HDAC9: variants seen among roughly 807,000 people sequenced by gnomAD.
The protein encoded by HDAC9 is MEF-2 interacting transcription repressor (MITR) protein.
HDAC9 carries 41 observed loss-of-function variants against 139.4 expected under a neutral mutation model. That is an observed-to-expected ratio of 0.29 (90% CI 0.23 to 0.38). The LOEUF (loss-of-function observed/expected upper bound fraction) is 0.38. Ranked by LOEUF, HDAC9 falls within the 10% of genes least tolerant of loss-of-function variation. HDAC9 has a pLI of 1.00. For missense variants in HDAC9, 1,147 were observed against 1,297.0 expected (o/e 0.88, Z 1.78); for synonymous variants, 517 against 476.2 (o/e 1.09, Z -1.12).
intron 1 of HDAC9, among the ~76,000 whole-genome samples, chr7:18,141,604 G>A (rs1478160398): frequency 6.6e-6 from 1 of 152,108 alleles, no homozygotes; most frequent in African/African-American, 2.4e-5. Flanking sequence ...TTAAACTGCT[G>A]GGGCACTTGG....
intron 1 of HDAC9, among the ~76,000 whole-genome samples, chr7:18,096,927 G>A (rs778454031): frequency 1.7e-4 from 24 of 140,500 alleles, no homozygotes; most frequent in Admixed American, 6.6e-4. Flanking sequence ...GTGTGTATTC[G>A]TACTCTTTTA....
At chr7:18,660,911 T>A (rs970115524) in intron 11 of HDAC9, among the ~76,000 whole-genome samples, 1 of 152,010 alleles carries the variant, frequency 6.6e-6, no homozygotes, top group Non-Finnish European at 1.5e-5. Context: ...TGGTAGGAGG[T>A]TTGAATTTTA....
At chr7:18,307,929 G>A (rs1799038614) in intron 1 of HDAC9, among the ~76,000 whole-genome samples, 2 of 152,126 alleles carry the variant, frequency 1.3e-5, no homozygotes. Context: ...GTCAGGGTGT[G>A]GAATATATGC....
intron 1 of HDAC9, among the ~76,000 whole-genome samples, chr7:18,333,826 G>A (rs1423822645): frequency 6.6e-6 from 1 of 151,268 alleles, no homozygotes; most frequent in African/African-American, 2.4e-5. Flanking sequence ...ATATATGCAA[G>A]AGCTGGTTCT....
rs1358794948 is a variant in HDAC9, at chr7:18,163,629, A to C, written c.25+1280A>C. On this transcript the variant is annotated intron_variant, in intron 2 of 12. Coordinates refer to the HDAC9 transcript ENST00000417496. ...CTCACCCCATCCCCTACCAGCCTCT[A>C]CAGACAACCTTGTTTAAGTGTGTTC... 2.0e-5 allele frequency among the ~76,000 whole-genome samples: 3 copies of C among 152,132 alleles called. No individual in the cohort carries two copies. In the East Asian group the frequency reaches 5.8e-4, roughly 29 times the overall value.
chr7:18,187,526 C>T (rs1790008414), intron 2 of HDAC9, among the ~76,000 whole-genome samples: 2 of 152,206 alleles, frequency 1.3e-5, no homozygotes, highest in African/African-American at 4.8e-5. Context: ...AACCATGGCA[C>T]CATCTTTAAA....
chr7:18,521,885 C>A (rs770242603), intron 2 of HDAC9, among the ~76,000 whole-genome samples: 2 of 152,000 alleles, frequency 1.3e-5, no homozygotes, highest in Non-Finnish European at 2.9e-5. Flanking sequence ...GAGTTTTACA[C>A]GAGGTTTAGA....
chr7:18,774,010 A>G (rs1043686629), intron 16 of HDAC9, among the ~76,000 whole-genome samples: 1 of 152,016 alleles, frequency 6.6e-6, no homozygotes, highest in Non-Finnish European at 1.5e-5. Context: ...TCAAAATTCA[A>G]AACCAAAATA....
At chr7:18,602,778 A>C (rs2128878702) in intron 6 of HDAC9, among the ~76,000 whole-genome samples, 1 of 151,962 alleles carries the variant, frequency 6.6e-6, no homozygotes, top group Non-Finnish European at 1.5e-5. Context: ...TATTTATTTT[A>C]ATCTTTCTGT....
At chr7:18,965,028 T>A (rs1783758716) in intron 24 of HDAC9, among the ~76,000 whole-genome samples, 1 of 152,248 alleles carries the variant, frequency 6.6e-6, no homozygotes, top group Non-Finnish European at 1.5e-5. Context: ...ATAAAAGCTA[T>A]ACTTCTTTGG....
chr7:18,392,602 T>C (rs971826092), intron 1 of HDAC9, among the ~76,000 whole-genome samples: 3 of 152,176 alleles, frequency 2.0e-5, no homozygotes, highest in Non-Finnish European at 2.9e-5. Flanking sequence ...ATCCAACTAA[T>C]GCAATTTTCC....
chr7:18,579,544 A>G (rs1005525680), intron 2 of HDAC9, among the ~76,000 whole-genome samples: 1 of 152,232 alleles, frequency 6.6e-6, no homozygotes, highest in Non-Finnish European at 1.5e-5. Context: ...GTATATCGCC[A>G]AATCCAGAAT....
chr7:18,280,017 TAAAA>T (rs968151189), intron 2 of HDAC9, among the ~76,000 whole-genome samples: 2 of 151,928 alleles, frequency 1.3e-5, no homozygotes, highest in African/African-American at 4.8e-5. Flanking sequence ...AAAAAGCAAA[TAAAA>T]AGAAAATGAA....
chr7:18,319,371 A>G (rs560203555), intron 1 of HDAC9, among the ~76,000 whole-genome samples: 5 of 152,346 alleles, frequency 3.3e-5, no homozygotes, highest in African/African-American at 1.2e-4. Context: ...GGCACAATGT[A>G]TCTACAAATA....
chr7:18,323,165 G>T (rs1200610841), intron 1 of HDAC9, among the ~76,000 whole-genome samples: 1 of 152,100 alleles, frequency 6.6e-6, no homozygotes, highest in Admixed American at 6.6e-5. Context: ...CATAACCTTG[G>T]AGTTATCTTT....
chr7:18,297,112 A>G (rs910020699), intron 1 of HDAC9, among the ~76,000 whole-genome samples: 12 of 152,164 alleles, frequency 7.9e-5, no homozygotes, highest in African/African-American at 2.9e-4. Flanking sequence ...ACTTCCGTGT[A>G]GGTACGAGTT....
At chr7:18,599,785 T>G (rs1321787547) in intron 6 of HDAC9, among the ~76,000 whole-genome samples, 1 of 152,152 alleles carries the variant, frequency 6.6e-6, no homozygotes. Flanking sequence ...TGTTTTCAGC[T>G]CAATTGGGTA....
chr7:18,277,070 T>A lies in HDAC9; in HGVS notation c.25+114721T>A, dbSNP rs1321193398. Among the ~76,000 whole-genome samples, 3 of 147,240 alleles carry A rather than the reference T, an allele frequency of 2.0e-5. No individual in the cohort carries two copies. The South Asian group carries it at 6.7e-4, about 33-fold the overall frequency. ...TTACCAGTCATTCAGTAATCATAGA[T>A]AGTTACATTGTTAAAAAAACAAAAC... On this transcript the variant is annotated intron_variant, in intron 2 of 12. Coordinates refer to the HDAC9 transcript ENST00000417496.
intron 1 of HDAC9, among the ~76,000 whole-genome samples, chr7:18,102,672 G>A (rs1012290812): frequency 6.6e-6 from 1 of 152,168 alleles, no homozygotes; most frequent in African/African-American, 2.4e-5. Context: ...AAGCACCTAA[G>A]TTTTAGCTGG....
Sources: allele counts gnomAD v4.1 joint callset (sites outside exome capture counted in the v4.1 genomes callset), GRCh38; gene constraint gnomAD v4.1.1; transcripts MANE v1.5; gene names NCBI Gene and HGNC (gene_info 2026-07-23, HGNC 2026-07-21).